IKZF2: variants seen among roughly 807,000 people sequenced by gnomAD.
IKZF2 encodes zinc finger protein Helios.
IKZF2 carries 15 observed loss-of-function variants against 49.2 expected under a neutral mutation model. The ratio of observed to expected loss-of-function variants is 0.30; its 90% CI spans 0.20 to 0.47. The LOEUF is 0.47. Ranked by LOEUF, IKZF2 falls within the 20% of genes least tolerant of loss-of-function variation. The pLI is 1.00. For synonymous variants in IKZF2, 227 were observed against 221.4 expected, an observed-to-expected ratio of 1.03 and a Z score of -0.23; for missense variants, 567 against 664.6, an observed-to-expected ratio of 0.85 and a Z score of 1.61.
At chr2:213,100,104 T>G (rs1336016232) in intron 4 of IKZF2, among the ~76,000 whole-genome samples, 1 of 152,154 alleles carries the variant, frequency 6.6e-6, no homozygotes, top group Non-Finnish European at 1.5e-5. Flanking sequence ...TCATCTAAAG[T>G]GATATTTCTC....
intron 4 of IKZF2, among the ~76,000 whole-genome samples, chr2:213,109,503 A>G (rs1399691403): frequency 1.3e-5 from 2 of 151,954 alleles, no homozygotes; most frequent in Non-Finnish European, 2.9e-5. Flanking sequence ...CTTTTTTTTA[A>G]CAGATTAAGA....
At position 213,045,954 on chromosome 2, in the gene IKZF2, T is replaced by G. The variant is rs1027688694; in HGVS notation, c.574+3759A>C. ...GATGAAAGCTCCCTCTACTTTTGAC[T>G]CTAAGATTCAGCAGATGCAATGATT... On this transcript the variant is annotated intron_variant, in intron 6 of 8. Transcript: ENST00000434687. 3.3e-5 allele frequency among the ~76,000 whole-genome samples: 5 copies of G among 152,304 alleles called. No individual in the cohort carries two copies. In the South Asian group the frequency reaches 1.0e-3, roughly 32 times the overall value.
intron 4 of IKZF2, among the ~76,000 whole-genome samples, chr2:213,085,301 C>T (rs181275883): frequency 1.3e-5 from 2 of 152,044 alleles, no homozygotes; most frequent in African/African-American, 2.4e-5. Flanking sequence ...AACAAAAAGC[C>T]TTTTGGACAC....
intron 6 of IKZF2, among the ~76,000 whole-genome samples, chr2:213,040,974 T>C (rs1699581501): frequency 6.6e-6 from 1 of 151,994 alleles, no homozygotes; most frequent in African/African-American, 2.4e-5. Context: ...AAAAATTAGT[T>C]GGGCGTGGTG....
intron 4 of IKZF2, among the ~76,000 whole-genome samples, chr2:213,110,765 G>A (rs770541668): frequency 4.6e-5 from 7 of 151,886 alleles, no homozygotes; most frequent in Non-Finnish European, 8.8e-5. Context: ...ATACATAAAA[G>A]GCCCTGTTTC....
chr2:213,106,139 CT>C (rs1165287967), intron 4 of IKZF2, among the ~76,000 whole-genome samples: 1 of 152,018 alleles, frequency 6.6e-6, no homozygotes, highest in Non-Finnish European at 1.5e-5. Context: ...AGCTATTTCT[CT>C]TTTTAAAAAA....
At chr2:213,030,954 T>A (rs924981061) in intron 6 of IKZF2, among the ~76,000 whole-genome samples, 1 of 151,980 alleles carries the variant, frequency 6.6e-6, no homozygotes, top group Non-Finnish European at 1.5e-5. Context: ...GCCTCCTGAG[T>A]AGCTGGGACT....
rs1261175855 is a variant in IKZF2 at position 213,046,764 on chromosome 2, C to A, written c.574+2949G>T. 2.6e-5 allele frequency among the ~76,000 whole-genome samples: 4 copies of A among 152,058 alleles called. No individual in the cohort carries two copies. The East Asian group carries it at 7.7e-4, about 29-fold the overall frequency. ...ATATGGTATTCTATGTAAATTCTCT[C>A]CAGAGGGCATTCACTGTAGTGAAGG... On this transcript the variant is annotated intron_variant, in intron 6 of 8. Transcript: ENST00000434687.
At chr2:213,111,503 C>A (rs904931059) in intron 4 of IKZF2, among the ~76,000 whole-genome samples, 1 of 152,016 alleles carries the variant, frequency 6.6e-6, no homozygotes, top group East Asian at 1.9e-4. Flanking sequence ...GGATACAAAA[C>A]ATACCATCTG....
chr2:213,037,975 T>C (rs952548981), intron 6 of IKZF2, among the ~76,000 whole-genome samples: 1 of 151,398 alleles, frequency 6.6e-6, no homozygotes, highest in Admixed American at 6.6e-5. Flanking sequence ...TGGATTCAAT[T>C]TCTAAACCAG....
chr2:213,041,609 G>C (rs1699662020), intron 6 of IKZF2, among the ~76,000 whole-genome samples: 1 of 152,080 alleles, frequency 6.6e-6, no homozygotes, highest in Non-Finnish European at 1.5e-5. Context: ...GCCACAACTT[G>C]ACTGTAATCT....
intron 6 of IKZF2, among the ~76,000 whole-genome samples, chr2:213,048,823 A>G (rs1700410008): frequency 6.6e-6 from 1 of 152,072 alleles, no homozygotes; most frequent in Non-Finnish European, 1.5e-5. Flanking sequence ...TTATCTCACA[A>G]CCTCAGCACT....
At chr2:213,143,770 A>C (rs2060952547) in intron 4 of IKZF2, among the ~76,000 whole-genome samples, 1 of 151,964 alleles carries the variant, frequency 6.6e-6, no homozygotes, top group South Asian at 2.1e-4. Flanking sequence ...GCTCTATTTC[A>C]AAAAGTGCAT....
intron 4 of IKZF2, among the ~76,000 whole-genome samples, chr2:213,070,792 C>T (rs917418284): frequency 2.0e-5 from 3 of 152,178 alleles, no homozygotes; most frequent in East Asian, 1.9e-4. Context: ...GAGTCAACGA[C>T]GGTGTCCAGG....
chr2:213,106,723 A>G (rs2059544676), intron 4 of IKZF2, among the ~76,000 whole-genome samples: 1 of 152,032 alleles, frequency 6.6e-6, no homozygotes, highest in South Asian at 2.1e-4. Context: ...GAGACTAAAT[A>G]TCTAAAAGTT....
intron 4 of IKZF2, among the ~76,000 whole-genome samples, chr2:213,081,928 A>G (rs558237906): frequency 5.8e-4 from 89 of 152,336 alleles, no homozygotes; most frequent in Non-Finnish European, 9.1e-4. Context: ...TGTAAAGGTC[A>G]GAGGTCTGGC....
rs564573921 is a variant in IKZF2 at position 213,066,669 on chromosome 2, C to T, written c.140-9570G>A. ...ATTTTTGACAGATCAGTGCCAGATA[C>T]TTATTTTCCACAATGTAGCAGCAGC... On this transcript the variant is annotated intron_variant, in intron 4 of 8. Transcript: ENST00000434687. Among the ~76,000 whole-genome samples the T allele has an allele frequency of 2.4e-4, 37 of 152,148 alleles. 1 individual carries two copies. In the South Asian group the frequency reaches 3.3e-3, roughly 14 times the overall value.
chr2:213,009,906 G>C (rs193073787), intron 8 of IKZF2, among the ~76,000 whole-genome samples: 1 of 152,174 alleles, frequency 6.6e-6, no homozygotes, highest in Admixed American at 6.5e-5. Flanking sequence ...CACTTATAAA[G>C]GAGGAATTAC....
intron 7 of IKZF2, chr2:213,015,380 C>T (rs1696454190): frequency 6.6e-6 from 1 of 151,970 alleles, no homozygotes; most frequent in Admixed American, 6.6e-5. Flanking sequence ...AACAAGGAAA[C>T]AGATCATTGT....
Sources: allele counts gnomAD v4.1 joint callset (sites outside exome capture counted in the v4.1 genomes callset), GRCh38; gene constraint gnomAD v4.1.1; transcripts MANE v1.5; gene names NCBI Gene and HGNC (gene_info 2026-07-23, HGNC 2026-07-21).